Variants in TRAK2 observed in about 807,000 individuals in gnomAD.
TRAK2 encodes trafficking kinesin protein 2, also known as trafficking kinesin-binding protein 2.
Under a neutral mutation model 104.6 loss-of-function variants are expected in TRAK2, and 81 were observed. The ratio of observed to expected loss-of-function variants is 0.77; its 90% CI spans 0.65 to 0.93. The LOEUF is 0.93. Ranked by LOEUF, TRAK2 falls within the 40% of genes least tolerant of loss-of-function variation. The pLI is 0.00. For missense variants in TRAK2, 1,002 were observed against 1,089.0 expected (o/e 0.92, Z 1.12); for synonymous variants, 406 against 394.4 (o/e 1.03, Z -0.35).
intron 1 of TRAK2, among the ~76,000 whole-genome samples, chr2:201,448,083 TACG>T (rs752345461): frequency 2.8e-4 from 43 of 152,372 alleles, no homozygotes; most frequent in Middle Eastern, 3.4e-3. Context: ...AACCTTGAAG[TACG>T]ACAAGCATGG....
At chr2:201,401,176 A>C in intron 3 of TRAK2, 82 bp from the exon 4 acceptor site, 3 of 835,332 alleles carry the variant, frequency 3.6e-6, no homozygotes, top group South Asian at 2.1e-5. Flanking sequence ...AGAGATAACA[A>C]CAACAAAAAC....
chr2:201,434,727 C>G (rs1951869209), intron 1 of TRAK2, among the ~76,000 whole-genome samples: 1 of 152,184 alleles, frequency 6.6e-6, no homozygotes, highest in African/African-American at 2.4e-5. Context: ...TACTTCTGGA[C>G]AGGATTTCTA....
chr2:201,379,119 T>C lies in TRAK2; in HGVS notation c.*1424A>G, dbSNP rs1318479463. 1 of 152,242 alleles carries C rather than the reference T, an allele frequency of 6.6e-6. No homozygotes were observed. Among genetic ancestry groups the C allele is most frequent in the Non-Finnish European group, 1.5e-5 (1 of 68,048 alleles). 9.4% of individuals were successfully genotyped at this position (152,242 alleles called of 1,614,324 possible). ...CATCTTTTCTCTATCATGTCTTTTG[T>C]ATAAAGACATTTCTTTCTGAACTGC... On this transcript the variant is annotated 3_prime_UTR_variant, in exon 16 of 16. Transcript: ENST00000332624.
intron 2 of TRAK2, among the ~76,000 whole-genome samples, chr2:201,417,969 T>G (rs897595587): frequency 6.6e-6 from 1 of 152,106 alleles, no homozygotes; most frequent in Non-Finnish European, 1.5e-5. Flanking sequence ...AAAAAAATAC[T>G]TAAGACTAAA....
At chr2:201,449,427 G>T (rs932888884) in intron 1 of TRAK2, among the ~76,000 whole-genome samples, 10 of 151,436 alleles carry the variant, frequency 6.6e-5, no homozygotes, top group Non-Finnish European at 1.2e-4. Flanking sequence ...GCTAAAGTAT[G>T]AAGAGCTCCC....
At chr2:201,417,026 G>T (rs1001059918) in intron 2 of TRAK2, among the ~76,000 whole-genome samples, 15 of 137,698 alleles carry the variant, frequency 1.1e-4, no homozygotes, top group African/African-American at 3.2e-4. Context: ...TTTTAGAAAA[G>T]ACCCCATTAT....
At position 201,390,988 on chromosome 2, in the gene TRAK2, C is replaced by T. The variant is rs144737756; in HGVS notation, c.1114-1108G>A. 1.5e-3 allele frequency among the ~76,000 whole-genome samples: 232 copies of T among 151,808 alleles called. 5 individuals are homozygous for T. In the East Asian group the frequency reaches 0.04, roughly 26 times the overall value. ...ATATATGGATGAAAACATATATATA[C>T]ACATATATAGTATAGGTATAGGTAT... On this transcript the variant is annotated intron_variant, in intron 10 of 15. Transcript: ENST00000332624.
At chr2:201,410,566 T>G (rs1951636681) in intron 2 of TRAK2, 1 of 1,218,174 alleles carries the variant, frequency 8.2e-7, no homozygotes. Flanking sequence ...ATCTTTAAAA[T>G]CATTGCTAGC....
intron 3 of TRAK2, among the ~76,000 whole-genome samples, chr2:201,404,509 ACATACATAAG>A (rs1951576754): frequency 1.3e-5 from 2 of 152,200 alleles, no homozygotes; most frequent in Admixed American, 1.3e-4. Flanking sequence ...TGGGAGTTTA[ACATACATAAG>A]CACTTCACTA....
intron 2 of TRAK2, among the ~76,000 whole-genome samples, chr2:201,414,111 G>A (rs1002282935): frequency 6.6e-6 from 1 of 152,092 alleles, no homozygotes; most frequent in Non-Finnish European, 1.5e-5. Context: ...GCAGATCACA[G>A]GTACTCACTG....
At position 201,398,263 on chromosome 2, in the gene TRAK2, C is replaced by T. The variant is rs775918653; in HGVS notation, c.572G>A (p.Cys191Tyr). ...ASEESETDSSCSTPLRFNESF... is the reference protein window; with the variant it reads ...ASEESETDSSYSTPLRFNESF... ...CTCATTGAACCGAAGAGGTGTAGAACAGCTGGAATCAGTTTCACTTTCTTC... is the reference window on the plus strand; with the variant it reads ...CTCATTGAACCGAAGAGGTGTAGAATAGCTGGAATCAGTTTCACTTTCTTC... The change falls in exon 6 of 16, where the codon TGT becomes TAT. Residue 191 changes from cysteine to tyrosine, a missense_variant. By Grantham distance (194) the Cys-to-Tyr change is radical (BLOSUM62 -2). Transcript: ENST00000332624. The T allele has an allele frequency of 1.2e-6, 2 of 1,613,738 alleles. No homozygotes were observed. Among genetic ancestry groups the T allele is most frequent in the East Asian group, 2.2e-5 (1 of 44,870 alleles).
rs138236009 is a variant in TRAK2 at position 201,384,303 on chromosome 2, G to A, written c.1964-87C>T. ...CTCATCATTATTTATTAATAATATA[G>A]CATTTATCAAGTACCTTTTGTATTA... On this transcript the variant is annotated intron_variant, in intron 14 of 15. Transcript: ENST00000332624. 5.1e-4 allele frequency: 497 copies of A among 976,472 alleles called. 1 individual carries two copies. The African/African-American group carries it at 7.0e-3, about 14-fold the overall frequency. The allele number at this position is 976,472 out of a possible 1,614,324, so 60.5% of individuals were successfully genotyped here.
chr2:201,416,499 G>A (rs921691944), intron 2 of TRAK2, among the ~76,000 whole-genome samples: 10 of 152,052 alleles, frequency 6.6e-5, no homozygotes, highest in African/African-American at 2.4e-4. Context: ...AAGTTAAACA[G>A]GCAAAAAGGA....
Position 201,395,237 on chromosome 2 carries a change from G to T in TRAK2, c.900+77C>A, listed in dbSNP as rs776262624. 4 of 1,262,314 alleles carry T rather than the reference G, an allele frequency of 3.2e-6. No homozygotes were observed. In the South Asian group the frequency reaches 4.4e-5, roughly 14 times the overall value. 78.2% of individuals were successfully genotyped at this position (1,262,314 alleles called of 1,614,324 possible). A position where few individuals can be genotyped will look rare whatever the true frequency, so the allele number is the denominator to read the frequency against. ...AGGGACAATGTTTATTTTGTTTATT[G>T]TATCTAGCACTTAGCATGGTGCAAG... On this transcript the variant is annotated intron_variant, in intron 8 of 15. Transcript: ENST00000332624.
intron 2 of TRAK2, among the ~76,000 whole-genome samples, chr2:201,415,038 A>G (rs953466290): frequency 1.3e-5 from 2 of 151,814 alleles, no homozygotes; most frequent in Non-Finnish European, 2.9e-5. Flanking sequence ...TGTTCCATTT[A>G]TTACTCTTGC....
intron 1 of TRAK2, among the ~76,000 whole-genome samples, chr2:201,434,158 C>T (rs1338800574): frequency 2.0e-5 from 3 of 152,058 alleles, no homozygotes; most frequent in East Asian, 3.9e-4. Context: ...GGGGTTTCAC[C>T]GTGTTAGCCA....
At chr2:201,428,714 G>T (rs1429415953) in intron 1 of TRAK2, among the ~76,000 whole-genome samples, 1 of 152,166 alleles carries the variant, frequency 6.6e-6, no homozygotes, top group Non-Finnish European at 1.5e-5. Context: ...GGAAGTCATT[G>T]GTAGCTTGAT....
chr2:201,388,644 C>T (rs1019186763), intron 12 of TRAK2, among the ~76,000 whole-genome samples: 1 of 152,140 alleles, frequency 6.6e-6, no homozygotes, highest in African/African-American at 2.4e-5. Context: ...GGAAGATCAG[C>T]AAGCTGAGTT....
rs745874018 is a variant in TRAK2, at chr2:201,447,753, A to G, written c.-200+3597T>C. ...AGGTTACGGCTGTTAGGGCTTCAAT[A>G]TAATTTTGGGAGGACACAATTCAGC... is the stretch of plus-strand genomic sequence containing the variant. On this transcript the variant is annotated intron_variant, in intron 1 of 15. Coordinates refer to ENST00000332624, the MANE Select transcript of TRAK2 (RefSeq NM_015049.3). This position sits in a 1 kb window ranked among gnomAD's most constrained non-coding sequence, Gnocchi z 4.1. 6.6e-5 allele frequency among the ~76,000 whole-genome samples: 10 copies of G among 152,194 alleles called. No individual in the cohort carries two copies. The highest frequency in any genetic ancestry group is 1.0e-4 in the Non-Finnish European group (7 of 68,030).
Sources: gnomAD v4.1 joint callset for allele counts (sites outside exome capture counted in the v4.1 genomes callset) on GRCh38, gnomAD v4.1.1 for gene constraint, Gnocchi (gnomAD v3.1) non-coding constraint, MANE v1.5 for transcripts, NCBI Gene and HGNC (gene_info 2026-07-23, HGNC 2026-07-21) for gene names.